The following CLIC6 variants were observed in gnomAD, a reference collection of about 807,000 sequenced individuals.
CLIC6 encodes the protein chloride intracellular channel protein 6.
Under a neutral mutation model 49.2 loss-of-function variants are expected in CLIC6, and 39 were observed. The ratio of observed to expected loss-of-function variants is 0.79; its 90% CI spans 0.61 to 1.04. The LOEUF is 1.04. Among genes scored for constraint, CLIC6 ranks in the 50% least tolerant of loss-of-function variants. The pLI, the probability that CLIC6 is intolerant of heterozygous loss-of-function variation, is 0.00. For synonymous variants in CLIC6, 446 were observed against 433.4 expected, an observed-to-expected ratio of 1.03 and a Z score of -0.36; for missense variants, 988 against 993.1, an observed-to-expected ratio of 0.99 and a Z score of 0.07.
intron 5 of CLIC6, among the ~76,000 whole-genome samples, chr21:34,713,880 A>G (rs1431681423): frequency 1.3e-5 from 2 of 152,194 alleles, no homozygotes; most frequent in Non-Finnish European, 2.9e-5. Context: ...ATACTGTAAT[A>G]CCAACAACAG....
At chr21:34,671,652 G>A (rs1428292793) in intron 1 of CLIC6, among the ~76,000 whole-genome samples, 1 of 152,210 alleles carries the variant, frequency 6.6e-6, no homozygotes, top group East Asian at 1.9e-4. Context: ...CCAGACCCAG[G>A]AAAGTTGGAG....
chr21:34,690,196 G>T (rs1333231026), intron 1 of CLIC6, among the ~76,000 whole-genome samples: 1 of 152,336 alleles, frequency 6.6e-6, no homozygotes, highest in Non-Finnish European at 1.5e-5. Context: ...AGCTCAGAGA[G>T]GGTGAGGGCA....
At chr21:34,672,824 G>C (rs1191179901) in intron 1 of CLIC6, among the ~76,000 whole-genome samples, 1 of 152,182 alleles carries the variant, frequency 6.6e-6, no homozygotes, top group Non-Finnish European at 1.5e-5. Flanking sequence ...TTGATAAAAT[G>C]GGGACGGTAA....
chr21:34,688,411 C>A (rs932419216), intron 1 of CLIC6, among the ~76,000 whole-genome samples: 3 of 152,206 alleles, frequency 2.0e-5, no homozygotes, highest in Non-Finnish European at 4.4e-5. Context: ...ACGGTTCACC[C>A]GGGTGGTCTC....
chr21:34,709,287 C>A, intron 4 of CLIC6, 70 bp from the exon 5 acceptor site: 1 of 1,406,236 alleles, frequency 7.1e-7, no homozygotes, highest in Non-Finnish European at 9.9e-7. Flanking sequence ...AAGCAAACTC[C>A]ATCACAGCTG....
chr21:34,680,223 C>G (rs565001464), intron 1 of CLIC6, among the ~76,000 whole-genome samples: 1 of 152,386 alleles, frequency 6.6e-6, no homozygotes, highest in African/African-American at 2.4e-5. Flanking sequence ...CACTTGGAAG[C>G]TACCAAGGCT....
chr21:34,701,502 G>A (rs1990190619), intron 1 of CLIC6, among the ~76,000 whole-genome samples: 1 of 151,952 alleles, frequency 6.6e-6, no homozygotes, highest in Non-Finnish European at 1.5e-5. Context: ...ACCTTTATTG[G>A]GTGCCCAGGG....
chr21:34,691,115 A>G (rs1439492195), intron 1 of CLIC6, among the ~76,000 whole-genome samples: 1 of 152,226 alleles, frequency 6.6e-6, no homozygotes, highest in Non-Finnish European at 1.5e-5. Flanking sequence ...CTCTCTCTAA[A>G]TTGCTAACTT....
chr21:34,680,028 T>C (rs1005098029), intron 1 of CLIC6, among the ~76,000 whole-genome samples: 1 of 152,256 alleles, frequency 6.6e-6, no homozygotes, highest in African/African-American at 2.4e-5. Context: ...CAGTGGGGAC[T>C]CTGTGTGGGG....
intron 1 of CLIC6, among the ~76,000 whole-genome samples, chr21:34,698,067 T>C (rs1178140520): frequency 6.6e-6 from 1 of 152,226 alleles, no homozygotes; most frequent in Non-Finnish European, 1.5e-5. Flanking sequence ...CTCACTGTGA[T>C]GAGGAATCTC....
At position 34,717,776 on chromosome 21, in the gene CLIC6, G is replaced by A. The variant is rs542548642; in HGVS notation, c.*1294G>A. 1.3e-5 allele frequency: 2 copies of A among 152,342 alleles called. No homozygotes were observed. The highest frequency in any genetic ancestry group is 2.1e-4 in the South Asian group (1 of 4,832). 9.4% of individuals were successfully genotyped at this position (152,342 alleles called of 1,614,324 possible). ...AACCCTCCTTGTAGAGTTGGTTGTG[G>A]TATGTGTTTGATGCTATAAAGCTCA... On this transcript the variant is annotated 3_prime_UTR_variant, in exon 6 of 6. Coordinates refer to ENST00000349499, the MANE Select transcript of CLIC6 (RefSeq NM_053277.3).
intron 1 of CLIC6, among the ~76,000 whole-genome samples, chr21:34,690,216 C>T (rs958508728): frequency 6.6e-6 from 1 of 152,128 alleles, no homozygotes; most frequent in African/African-American, 2.4e-5. Context: ...ACAGCGCTGC[C>T]TGGATATCCA....
chr21:34,709,902 G>A (rs566816117), intron 5 of CLIC6, among the ~76,000 whole-genome samples: 3 of 152,192 alleles, frequency 2.0e-5, no homozygotes, highest in Non-Finnish European at 4.4e-5. Context: ...AAATGTGAAC[G>A]CAGTCTACTG....
At chr21:34,703,731 G>T (rs532491450) in intron 1 of CLIC6, among the ~76,000 whole-genome samples, 2 of 152,274 alleles carry the variant, frequency 1.3e-5, no homozygotes, top group South Asian at 2.1e-4. Context: ...CTCGGACCTT[G>T]GTGGGGAGCC....
At chr21:34,685,822 C>A (rs933516557) in intron 1 of CLIC6, among the ~76,000 whole-genome samples, 1 of 152,196 alleles carries the variant, frequency 6.6e-6, no homozygotes, top group African/African-American at 2.4e-5. Context: ...GGTATTGAGG[C>A]TCTGGCTAAG....
At chr21:34,671,657 T>G (rs187171052) in intron 1 of CLIC6, among the ~76,000 whole-genome samples, 2 of 152,106 alleles carry the variant, frequency 1.3e-5, no homozygotes, top group Non-Finnish European at 2.9e-5. Flanking sequence ...CCCAGGAAAG[T>G]TGGAGATAAT....
chr21:34,700,737 C>G (rs1990173897), intron 1 of CLIC6, among the ~76,000 whole-genome samples: 1 of 139,500 alleles, frequency 7.2e-6, no homozygotes. Context: ...TTCTTAACAC[C>G]GACCCCAACA....
chr21:34,715,081 AG>A (rs1366445244), intron 5 of CLIC6, among the ~76,000 whole-genome samples: 1 of 152,188 alleles, frequency 6.6e-6, no homozygotes, highest in African/African-American at 2.4e-5. Context: ...TGGCCTCCAA[AG>A]TCTGCGCAGT....
At position 34,707,325 on chromosome 21, in the gene CLIC6, C is replaced by G. The variant is rs770130798; in HGVS notation, c.1420C>G (p.Arg474Gly). 1 of 1,613,982 alleles carries G rather than the reference C, an allele frequency of 6.2e-7. No homozygotes were observed. Among genetic ancestry groups the G allele is most frequent in the East Asian group, 2.2e-5 (1 of 44,872 alleles). ...TATCGGAAATTGCCCGTTTTCTCAGCGTCTCTTTATGATTCTCTGGCTGAA... is the reference window on the plus strand; with the variant it reads ...TATCGGAAATTGCCCGTTTTCTCAGGGTCTCTTTATGATTCTCTGGCTGAA... ...ESIGNCPFSQ[R>G]LFMILWLKGV... is the part of the protein sequence containing the mutation. The change falls in exon 2 of 6, where the codon CGT (arginine) becomes GGT (glycine). Residue 474 changes from arginine (R) to glycine (G), a missense_variant. This residue lies in a region of CLIC6 where 647 missense variants were observed against 596.9 expected (regional missense o/e 1.08). Transcript: ENST00000349499.
Sources: allele counts gnomAD v4.1 joint callset (sites outside exome capture counted in the v4.1 genomes callset), GRCh38; gene constraint gnomAD v4.1.1; regional missense constraint gnomAD v4.1.1; transcripts MANE v1.5; gene names NCBI Gene and HGNC (gene_info 2026-07-23, HGNC 2026-07-21).